Variants in FAM114A2 observed in about 807,000 individuals in gnomAD.
FAM114A2 encodes protein FAM114A2.
Under a neutral mutation model 58.4 loss-of-function variants are expected in FAM114A2, and 53 were observed. The ratio of observed to expected loss-of-function variants is 0.91; its 90% CI spans 0.73 to 1.14. The LOEUF is 1.14. FAM114A2 is among the 50% of genes most tolerant of loss of function. The probability of loss-of-function intolerance (pLI) is 0.00; values close to 1 mark genes in which losing one functional copy is unlikely to be tolerated. For synonymous variants in FAM114A2, 228 were observed against 211.4 expected (o/e 1.08, Z -0.68); for missense variants, 601 against 581.1 (o/e 1.03, Z -0.35).
At chr5:154,019,788 CA>C (rs1178288833) in intron 8 of FAM114A2, among the ~76,000 whole-genome samples, 3 of 152,124 alleles carry the variant, frequency 2.0e-5, no homozygotes, top group Non-Finnish European at 4.4e-5. Context: ...AGGGAAAGGA[CA>C]CCCTATTAAA....
At chr5:154,015,993 G>C (rs912980326) in intron 8 of FAM114A2, among the ~76,000 whole-genome samples, 7 of 152,010 alleles carry the variant, frequency 4.6e-5, no homozygotes, top group African/African-American at 1.7e-4. Context: ...GAAAGTCTCA[G>C]CAATAGAATT....
At chr5:154,034,240 T>G in intron 3 of FAM114A2, 38 bp downstream of exon 3, 1 of 1,243,516 alleles carries the variant, frequency 8.0e-7, no homozygotes, top group Non-Finnish European at 1.1e-6. Flanking sequence ...ATAAAATAAA[T>G]ACACACACAA....
At chr5:153,994,895 A>G (rs769119733) in intron 13 of FAM114A2, 24 bp downstream of exon 13, 32 of 1,506,978 alleles carry the variant, frequency 2.1e-5, no homozygotes, top group Non-Finnish European at 2.8e-5. Flanking sequence ...CTTTGGAGTC[A>G]GAGACTTAAA....
At chr5:153,999,376 C>T (rs1157332896) in intron 11 of FAM114A2, among the ~76,000 whole-genome samples, 1 of 152,048 alleles carries the variant, frequency 6.6e-6, no homozygotes, top group Non-Finnish European at 1.5e-5. Context: ...TGGCTCATGC[C>T]TATAATCCCA....
intron 9 of FAM114A2, among the ~76,000 whole-genome samples, chr5:154,007,619 C>G (rs1384217512): frequency 6.6e-6 from 1 of 152,136 alleles, no homozygotes; most frequent in East Asian, 1.9e-4. Flanking sequence ...ACTGGCCTTA[C>G]AAAAATACGT....
chr5:154,021,844 A>T (rs1487311208), intron 8 of FAM114A2, among the ~76,000 whole-genome samples: 1 of 152,196 alleles, frequency 6.6e-6, no homozygotes, highest in Non-Finnish European at 1.5e-5. Flanking sequence ...TGCCAAGACA[A>T]TCCTAAGCCA....
chr5:154,022,886 C>A (rs1239151807), intron 8 of FAM114A2, among the ~76,000 whole-genome samples: 4 of 152,112 alleles, frequency 2.6e-5, no homozygotes, highest in South Asian at 2.1e-4. Flanking sequence ...GGAACCAACC[C>A]AAATGTCCAT....
At position 154,033,958 on chromosome 5, in the gene FAM114A2, T is replaced by C. The variant is rs899036729; in HGVS notation, c.311-75A>G. Reference sequence around the variant, plus strand: ...GAAACAAAAATCAAACTTGAAGATTTTTAAAATCATTTAGGACCACAAGAC... The same window carrying C: ...GAAACAAAAATCAAACTTGAAGATTCTTAAAATCATTTAGGACCACAAGAC... On this transcript the variant is annotated intron_variant, in intron 3 of 13. Transcript: ENST00000351797. The C allele has an allele frequency of 6.8e-6, 6 of 881,730 alleles. No homozygotes were observed. The African/African-American group carries it at 1.0e-4, about 15-fold the overall frequency. The allele number at this position is 881,730 out of a possible 1,614,324, so 54.6% of individuals were successfully genotyped here. A position where few individuals can be genotyped will look rare whatever the true frequency, so the allele number is the denominator to read the frequency against.
chr5:154,038,136 T>A (rs1772715732), intron 1 of FAM114A2, among the ~76,000 whole-genome samples: 1 of 152,182 alleles, frequency 6.6e-6, no homozygotes, highest in East Asian at 1.9e-4. Context: ...TAGAAATAAT[T>A]GTAGTTTCTC....
rs111291417 is a variant in FAM114A2 at position 154,006,589 on chromosome 5, A to G, written c.994-3620T>C. ...GTTGGAGTAGTGAGGTTTACAGAAG[A>G]GAACACTGAGAGATGAGGCTGGAAA... On this transcript the variant is annotated intron_variant, in intron 9 of 13. Coordinates refer to ENST00000351797, the MANE Select transcript of FAM114A2 (RefSeq NM_018691.4). Among the ~76,000 whole-genome samples the G allele has an allele frequency of 8.3e-3, 1,266 of 152,328 alleles. 14 individuals are homozygous for G. Among genetic ancestry groups the G allele is most frequent in the South Asian group, 0.034 (166 of 4,830 alleles).
rs77396962 is a variant in FAM114A2, at chr5:154,032,921, G to A, written c.403+870C>T. ...TCATTCACACATGCTGTTACTTGCA[G>A]CTAAAATAGTTTAACTGATGCAGGC... On this transcript the variant is annotated intron_variant, in intron 4 of 13. Transcript: ENST00000351797. Among the ~76,000 whole-genome samples, 1,552 of 152,282 alleles carry A rather than the reference G, an allele frequency of 0.01. 43 individuals carry two copies. The East Asian group carries it at 0.11, about 10-fold the overall frequency.
intron 1 of FAM114A2, 104 bp downstream of exon 1, chr5:154,038,753 G>A (rs1772784371): frequency 6.6e-6 from 1 of 152,368 alleles, no homozygotes; most frequent in Non-Finnish European, 1.5e-5. Flanking sequence ...GCCGCGAGAT[G>A]TCCGCCGCCC....
intron 9 of FAM114A2, among the ~76,000 whole-genome samples, chr5:154,010,339 C>A (rs1414857130): frequency 6.6e-6 from 1 of 152,162 alleles, no homozygotes; most frequent in Non-Finnish European, 1.5e-5. Flanking sequence ...ATCAAAAGTG[C>A]TTTAGTAAAG....
intron 4 of FAM114A2, among the ~76,000 whole-genome samples, chr5:154,031,869 T>C (rs1318043952): frequency 6.6e-6 from 1 of 152,224 alleles, no homozygotes; most frequent in Non-Finnish European, 1.5e-5. Flanking sequence ...CCAAATTTAC[T>C]ATGCCAAAGG....
chr5:154,012,974 C>T (rs944461845), intron 8 of FAM114A2, among the ~76,000 whole-genome samples: 1 of 151,290 alleles, frequency 6.6e-6, no homozygotes, highest in Non-Finnish European at 1.5e-5. Context: ...GTTAATTATA[C>T]ATTATTATGG....
rs540915528 is a variant in FAM114A2 at position 153,999,666 on chromosome 5, T to A, written c.1257-1791A>T. On this transcript the variant is annotated intron_variant, in intron 11 of 13. Transcript: ENST00000351797. ...AAAAAAAAATTGATGCTGGCAACAA[T>A]TCCAAGAAAAGAGAATTCTTATACA... Among the ~76,000 whole-genome samples, 24 of 151,422 alleles carry A rather than the reference T, an allele frequency of 1.6e-4. No individual in the cohort carries two copies. In the South Asian group the frequency reaches 4.8e-3, roughly 30 times the overall value.
intron 8 of FAM114A2, among the ~76,000 whole-genome samples, chr5:154,023,559 T>C (rs1356702538): frequency 6.6e-6 from 1 of 152,022 alleles, no homozygotes; most frequent in Non-Finnish European, 1.5e-5. Flanking sequence ...CATTCACAAG[T>C]AGGAGCTAAG....
At chr5:154,006,922 G>A (rs909975571) in intron 9 of FAM114A2, among the ~76,000 whole-genome samples, 3 of 151,354 alleles carry the variant, frequency 2.0e-5, no homozygotes, top group South Asian at 4.2e-4. Flanking sequence ...TCAGCCTCCC[G>A]AGTAGCTGGG....
At chr5:153,995,362 C>T (rs746252256) in intron 12 of FAM114A2, 28 of 157,444 alleles carry the variant, frequency 1.8e-4, no homozygotes, top group Non-Finnish European at 3.8e-4. Context: ...AAATTTAATA[C>T]TTGTATGTGT....
Sources: gnomAD v4.1 joint callset for allele counts (sites outside exome capture counted in the v4.1 genomes callset) on GRCh38, gnomAD v4.1.1 for gene constraint, MANE v1.5 for transcripts, NCBI Gene and HGNC (gene_info 2026-07-23, HGNC 2026-07-21) for gene names.